Variants in GRAMD1B observed in about 807,000 individuals in gnomAD.
GRAMD1B encodes the protein protein Aster-B.
Under a neutral mutation model 99.7 loss-of-function variants are expected in GRAMD1B, and 37 were observed. The ratio of observed to expected loss-of-function variants is 0.37; its 90% CI spans 0.29 to 0.49. GRAMD1B has a LOEUF of 0.49. GRAMD1B is among the 20% of genes least tolerant of loss of function. The probability of loss-of-function intolerance (pLI) is 0.98; values close to 1 mark genes in which losing one functional copy is unlikely to be tolerated. For missense variants in GRAMD1B, 888 were observed against 1,009.2 expected (o/e 0.88, Z 1.63); for synonymous variants, 427 against 387.6 (o/e 1.10, Z -1.19).
intron 2 of GRAMD1B, among the ~76,000 whole-genome samples, chr11:123,496,717 G>T (rs954224500): frequency 6.6e-6 from 1 of 151,164 alleles, no homozygotes; most frequent in Non-Finnish European, 1.5e-5. Context: ...CCTTCTGCTT[G>T]ACCAGTTCTG....
chr11:123,490,276 T>C (rs2135008808), intron 2 of GRAMD1B, among the ~76,000 whole-genome samples: 1 of 152,068 alleles, frequency 6.6e-6, no homozygotes, highest in South Asian at 2.1e-4. Flanking sequence ...GAAGGGTGAA[T>C]TGGAAGCAGT....
intron 1 of GRAMD1B, among the ~76,000 whole-genome samples, chr11:123,472,538 G>C (rs990861950): frequency 6.6e-6 from 1 of 152,166 alleles, no homozygotes; most frequent in Non-Finnish European, 1.5e-5. Flanking sequence ...AGTGAGTTTA[G>C]GAGTGAAGGT....
At chr11:123,533,925 GGAAGACAGGTCTTTGTCTATGA>G (rs1311609978) in intron 2 of GRAMD1B, among the ~76,000 whole-genome samples, 1 of 152,174 alleles carries the variant, frequency 6.6e-6, no homozygotes, top group Non-Finnish European at 1.5e-5. Flanking sequence ...CAAAGCAACT[GGAAGACAGGTCTTTGTCTATGA>G]GAAGACATGA....
At chr11:123,505,354 T>C (rs543124690) in intron 2 of GRAMD1B, among the ~76,000 whole-genome samples, 1 of 152,242 alleles carries the variant, frequency 6.6e-6, no homozygotes, top group South Asian at 2.1e-4. Context: ...TTTGTTCACC[T>C]AAAACAGCAG....
At chr11:123,475,307 C>T (rs1951213603) in intron 1 of GRAMD1B, among the ~76,000 whole-genome samples, 1 of 152,148 alleles carries the variant, frequency 6.6e-6, no homozygotes, top group Non-Finnish European at 1.5e-5. Flanking sequence ...TTTCCCAGTC[C>T]TTCCAGTGCT....
At chr11:123,440,413 G>A (rs923306388) in intron 1 of GRAMD1B, among the ~76,000 whole-genome samples, 6 of 152,190 alleles carry the variant, frequency 3.9e-5, no homozygotes, top group Non-Finnish European at 7.3e-5. Context: ...GGGAGGCTGA[G>A]ACGGGAGAAT....
intron 2 of GRAMD1B, among the ~76,000 whole-genome samples, chr11:123,502,790 A>AAAAG (rs1303584394): frequency 6.6e-6 from 1 of 151,558 alleles, no homozygotes; most frequent in African/African-American, 2.4e-5. Context: ...AAAAAAAAAA[A>AAAAG]AAAGAAAGAA....
At chr11:123,468,781 T>C (rs960779606) in intron 1 of GRAMD1B, among the ~76,000 whole-genome samples, 5 of 141,156 alleles carry the variant, frequency 3.5e-5, no homozygotes, top group African/African-American at 8.1e-5. Context: ...GGGTGACAGA[T>C]TGAGACCCTG....
At chr11:123,386,783 T>C (rs1947076933) in intron 1 of GRAMD1B, among the ~76,000 whole-genome samples, 1 of 152,212 alleles carries the variant, frequency 6.6e-6, no homozygotes, top group Non-Finnish European at 1.5e-5. Context: ...AACAGAAAGC[T>C]GCCCAGTCCC....
chr11:123,443,068 C>T (rs1232927244), intron 1 of GRAMD1B, among the ~76,000 whole-genome samples: 1 of 152,124 alleles, frequency 6.6e-6, no homozygotes, highest in African/African-American at 2.4e-5. Context: ...GTGCCAACCT[C>T]CTATCTTATC....
chr11:123,371,341 A>G (rs1946522915), intron 1 of GRAMD1B, among the ~76,000 whole-genome samples: 1 of 152,184 alleles, frequency 6.6e-6, no homozygotes, highest in Non-Finnish European at 1.5e-5. Flanking sequence ...GTACAGGAAA[A>G]GAGCCCAGCT....
chr11:123,571,591 G>A (rs1948099300), intron 2 of GRAMD1B, among the ~76,000 whole-genome samples: 1 of 152,094 alleles, frequency 6.6e-6, no homozygotes, highest in African/African-American at 2.4e-5. Context: ...TTAAAAAGAG[G>A]GGAAATGGGG....
At position 123,624,665 on chromosome 11, in the gene GRAMD1B, C is replaced by G. The variant is rs79274363; in HGVS notation, c.*2070C>G. 3.3e-5 allele frequency: 5 copies of G among 152,148 alleles called. No homozygotes were observed. The highest frequency in any genetic ancestry group is 5.9e-5 in the Non-Finnish European group (4 of 68,028). 9.4% of individuals were successfully genotyped at this position (152,148 alleles called of 1,614,324 possible). Reference sequence around the variant, plus strand: ...TGGTGCAGACTGCTGGAAATCTCCCCCTTGGCACAGCCAGAAGCCAAAACT... The same window carrying G: ...TGGTGCAGACTGCTGGAAATCTCCCGCTTGGCACAGCCAGAAGCCAAAACT... On this transcript the variant is annotated 3_prime_UTR_variant, in exon 20 of 20. Coordinates refer to ENST00000635736, the MANE Select transcript of GRAMD1B (RefSeq NM_001387025.1).
chr11:123,499,760 C>T (rs1276529232), intron 2 of GRAMD1B, among the ~76,000 whole-genome samples: 2 of 152,100 alleles, frequency 1.3e-5, no homozygotes, highest in Non-Finnish European at 2.9e-5. Flanking sequence ...TGCGTGCACC[C>T]CCTACTTCCC....
intron 2 of GRAMD1B, among the ~76,000 whole-genome samples, chr11:123,482,748 A>C (rs1951681609): frequency 6.6e-6 from 1 of 152,206 alleles, no homozygotes; most frequent in African/African-American, 2.4e-5. Flanking sequence ...TTATATCATA[A>C]CTATATCATT....
At chr11:123,449,590 T>A (rs1949788148) in intron 1 of GRAMD1B, among the ~76,000 whole-genome samples, 1 of 152,120 alleles carries the variant, frequency 6.6e-6, no homozygotes, top group South Asian at 2.1e-4. Context: ...GACACTGCTT[T>A]TTATTTTTAT....
At chr11:123,546,108 G>T (rs1344811542) in intron 2 of GRAMD1B, among the ~76,000 whole-genome samples, 1 of 152,240 alleles carries the variant, frequency 6.6e-6, no homozygotes, top group East Asian at 1.9e-4. Flanking sequence ...AAAACAAGCT[G>T]CAGGCCAGGA....
At chr11:123,522,759 TC>T (rs1294781380) in intron 2 of GRAMD1B, among the ~76,000 whole-genome samples, 3 of 152,282 alleles carry the variant, frequency 2.0e-5, no homozygotes, top group Admixed American at 6.5e-5. Flanking sequence ...TGTTCTTCCT[TC>T]CCTTTTGGGT....
At chr11:123,381,443 A>C (rs953294953) in intron 1 of GRAMD1B, 2 of 154,414 alleles carry the variant, frequency 1.3e-5, no homozygotes, top group Non-Finnish European at 2.9e-5. Flanking sequence ...CTTATTAGAC[A>C]GAGATGGAAA....
Sources: allele counts gnomAD v4.1 joint callset (sites outside exome capture counted in the v4.1 genomes callset), GRCh38; gene constraint gnomAD v4.1.1; transcripts MANE v1.5; gene names NCBI Gene and HGNC (gene_info 2026-07-23, HGNC 2026-07-21).